Variants in GNG4 observed in about 807,000 individuals in gnomAD.
GNG4 encodes G protein subunit gamma 4.
A neutral mutation model predicts 5.8 loss-of-function variants in GNG4; 4 were observed. The ratio of observed to expected loss-of-function variants is 0.69; its 90% CI spans 0.34 to 1.57. GNG4 has a LOEUF of 1.57. Among genes scored for constraint, GNG4 ranks in the 40% most tolerant of loss-of-function variants. GNG4 has a pLI of 0.06. For missense variants in GNG4, 96 were observed against 95.1 expected, an observed-to-expected ratio of 1.01 and a Z score of -0.04; for synonymous variants, 29 against 32.9, an observed-to-expected ratio of 0.88 and a Z score of 0.41.
chr1:235,593,511 A>G lies in GNG4; in HGVS notation c.-11+1889T>C, dbSNP rs572550300. Among the ~76,000 whole-genome samples the G allele has an allele frequency of 2.6e-5, 4 of 152,334 alleles. No homozygotes were observed. In the East Asian group the frequency reaches 7.7e-4, roughly 29 times the overall value. On this transcript the variant is annotated intron_variant, in intron 2 of 3. Coordinates refer to ENST00000391854, the MANE Select transcript of GNG4 (RefSeq NM_001098722.2). ...AGCCGGCCTTCCGGACAATGCCCAA[A>G]AGACAGCTGGGTCCGGAATTGGTGG...
At chr1:235,625,581 C>T (rs141403285) in intron 1 of GNG4, among the ~76,000 whole-genome samples, 32 of 152,332 alleles carry the variant, frequency 2.1e-4, no homozygotes, top group East Asian at 3.9e-4. Context: ...CCCTCCCCAA[C>T]GCCACATTCA....
At position 235,552,089 on chromosome 1, in the gene GNG4, C is replaced by T. The variant is rs536063858; in HGVS notation, c.*20G>A. ...GGACTTTGAAGGTCAGAAAAGGAGG[C>T]GTTTTCATCACACACGGAGTTAGAG... On this transcript the variant is annotated 3_prime_UTR_variant, in exon 4 of 4. Coordinates refer to ENST00000391854, the MANE Select transcript of GNG4 (RefSeq NM_001098722.2). 3.2e-5 allele frequency: 52 copies of T among 1,612,056 alleles called. No individual in the cohort carries two copies. Among genetic ancestry groups the T allele is most frequent in the African/African-American group, 8.0e-5 (6 of 74,974 alleles).
At chr1:235,646,677 T>G (rs1478673982) in intron 1 of GNG4, among the ~76,000 whole-genome samples, 2 of 152,150 alleles carry the variant, frequency 1.3e-5, no homozygotes, top group African/African-American at 4.8e-5. Context: ...GAGCACGGCG[T>G]CTTGCACACA....
At chr1:235,645,363 A>G (rs1657475400) in intron 1 of GNG4, among the ~76,000 whole-genome samples, 2 of 152,088 alleles carry the variant, frequency 1.3e-5, no homozygotes, top group East Asian at 1.9e-4. Context: ...GCCTTCATAC[A>G]TGGGTACTGC....
chr1:235,603,286 TAATAAA>T (rs1688294569), intron 1 of GNG4, among the ~76,000 whole-genome samples: 1 of 142,724 alleles, frequency 7.0e-6, no homozygotes, highest in Admixed American at 7.0e-5. Context: ...ATAATAATAA[TAATAAA>T]AGGCAGGGGA....
chr1:235,646,293 C>T (rs995111745), intron 1 of GNG4, among the ~76,000 whole-genome samples: 4 of 152,218 alleles, frequency 2.6e-5, no homozygotes, highest in African/African-American at 7.2e-5. Flanking sequence ...CTCTTCCACA[C>T]GTCTCTGTCA....
intron 1 of GNG4, among the ~76,000 whole-genome samples, chr1:235,631,269 A>G (rs1688926589): frequency 1.3e-5 from 2 of 152,066 alleles, no homozygotes; most frequent in African/African-American, 4.8e-5. Context: ...ATAAATGTTT[A>G]CCCCTCACGC....
chr1:235,591,707 C>A (rs982128298), intron 2 of GNG4, among the ~76,000 whole-genome samples: 1 of 152,190 alleles, frequency 6.6e-6, no homozygotes, highest in Non-Finnish European at 1.5e-5. Flanking sequence ...TGGCTACCGG[C>A]AACACTGACT....
intron 1 of GNG4, among the ~76,000 whole-genome samples, chr1:235,646,845 T>A (rs921009055): frequency 2.0e-5 from 3 of 152,360 alleles, no homozygotes; most frequent in Admixed American, 2.0e-4. Flanking sequence ...TGATCTCTTT[T>A]TAAGCACCCA....
chr1:235,622,416 A>C (rs1344082883), intron 1 of GNG4, among the ~76,000 whole-genome samples: 1 of 152,178 alleles, frequency 6.6e-6, no homozygotes, highest in African/African-American at 2.4e-5. Flanking sequence ...TGTGGTTCAT[A>C]AAAAGAGTTA....
chr1:235,608,790 C>T (rs12021786), intron 1 of GNG4, among the ~76,000 whole-genome samples: 35,527 of 151,534 alleles, frequency 0.23, 7,542 homozygotes, highest in African/African-American at 0.53. Context: ...TTGAAGTAAT[C>T]CTCCTGCCTC....
At chr1:235,619,161 A>T (rs1013046006) in intron 1 of GNG4, among the ~76,000 whole-genome samples, 4 of 85,636 alleles carry the variant, frequency 4.7e-5, no homozygotes, top group African/African-American at 1.7e-4. Context: ...AAAAAAATTT[A>T]TATATATATA....
At chr1:235,582,439 A>G (rs1031217970) in intron 3 of GNG4, among the ~76,000 whole-genome samples, 1 of 152,194 alleles carries the variant, frequency 6.6e-6, no homozygotes, top group Non-Finnish European at 1.5e-5. Flanking sequence ...AACTCTGAGA[A>G]GTCTTCCCTG....
At position 235,549,289 on chromosome 1, in the gene GNG4, G is replaced by A. The variant is rs1417355104; in HGVS notation, c.*2820C>T. ...CCCAAATGCCATAGGTCTGGAAGAGGTGCAGTAAAAGGACAGAAAAGCATC... is the reference window on the plus strand; with the variant it reads ...CCCAAATGCCATAGGTCTGGAAGAGATGCAGTAAAAGGACAGAAAAGCATC... On this transcript the variant is annotated 3_prime_UTR_variant, in exon 4 of 4. Transcript: ENST00000391854. The A allele has an allele frequency of 6.6e-6, 1 of 152,226 alleles. No individual in the cohort carries two copies. Among genetic ancestry groups the A allele is most frequent in the Non-Finnish European group, 1.5e-5 (1 of 68,126 alleles). 9.4% of individuals were successfully genotyped at this position (152,226 alleles called of 1,614,324 possible). A position where few individuals can be genotyped will look rare whatever the true frequency, so the allele number is the denominator to read the frequency against.
At chr1:235,645,797 C>CAAAAAAAAAAAAAAA (rs6143682) in intron 1 of GNG4, among the ~76,000 whole-genome samples, 1 of 90,388 alleles carries the variant, frequency 1.1e-5, no homozygotes, top group African/African-American at 4.1e-5. Context: ...AACTCAGTCT[C>CAAAAAAAAAAAAAAA]AAAAAAAAAA....
intron 1 of GNG4, among the ~76,000 whole-genome samples, chr1:235,622,873 CAAAAAA>C (rs59428350): frequency 6.0e-5 from 4 of 66,672 alleles, no homozygotes; most frequent in Non-Finnish European, 9.9e-5. Flanking sequence ...GACTCCATCT[CAAAAAA>C]AAAAAAAAAA....
At chr1:235,618,660 G>T (rs978965724) in intron 1 of GNG4, among the ~76,000 whole-genome samples, 37 of 140,050 alleles carry the variant, frequency 2.6e-4, no homozygotes, top group African/African-American at 7.3e-4. Flanking sequence ...TAATCTTTTT[G>T]TTTTTTTTTT....
At chr1:235,609,829 C>G (rs994508815) in intron 1 of GNG4, among the ~76,000 whole-genome samples, 1 of 151,834 alleles carries the variant, frequency 6.6e-6, no homozygotes, top group Non-Finnish European at 1.5e-5. Context: ...GAGCTGAGAT[C>G]ACGTCATTGC....
chr1:235,561,155 G>A (rs1164894717), intron 3 of GNG4, among the ~76,000 whole-genome samples: 4 of 152,198 alleles, frequency 2.6e-5, no homozygotes, highest in East Asian at 1.9e-4. Flanking sequence ...GACTACAGGC[G>A]CCTGCCACCA....
Sources: allele counts gnomAD v4.1 joint callset (sites outside exome capture counted in the v4.1 genomes callset), GRCh38; gene constraint gnomAD v4.1.1; transcripts MANE v1.5; gene names NCBI Gene and HGNC (gene_info 2026-07-23, HGNC 2026-07-21).